The following CCDC141 variants were observed in gnomAD, a reference collection of about 807,000 sequenced individuals.
CCDC141 encodes the protein coiled-coil domain-containing protein 141.
Under a neutral mutation model 181.0 loss-of-function variants are expected in CCDC141, and 168 were observed. That is an observed-to-expected ratio of 0.93 (90% CI 0.82 to 1.05). The LOEUF is 1.05. Ranked by LOEUF, CCDC141 falls within the 50% of genes least tolerant of loss-of-function variation. The probability of loss-of-function intolerance (pLI) is 0.00; values close to 1 mark genes in which losing one functional copy is unlikely to be tolerated. For synonymous variants in CCDC141, 666 were observed against 642.3 expected (o/e 1.04, Z -0.56); for missense variants, 1,902 against 1,788.5 (o/e 1.06, Z -1.14).
the CCDC141 span, among the ~76,000 whole-genome samples, chr2:178,820,613 C>T: frequency 3.9e-5 from 6 of 152,016 alleles, no homozygotes; most frequent in South Asian, 1.2e-3. Context: ...AGTAATTTTT[C>T]CCTGAGAATG....
intron 8 of CCDC141, among the ~76,000 whole-genome samples, chr2:178,895,256 A>C (rs1266874878): frequency 6.6e-6 from 1 of 152,154 alleles, no homozygotes; most frequent in African/African-American, 2.4e-5. Context: ...TAGCACTGTG[A>C]TGAGCATCTT....
intron 22 of CCDC141, among the ~76,000 whole-genome samples, chr2:178,845,381 G>A (rs1200750395): frequency 6.6e-6 from 1 of 152,206 alleles, no homozygotes; most frequent in Non-Finnish European, 1.5e-5. Context: ...CAATGCTACT[G>A]TGAAATGTCA....
chr2:178,884,479 G>A (rs1686782137), intron 11 of CCDC141, among the ~76,000 whole-genome samples: 1 of 152,112 alleles, frequency 6.6e-6, no homozygotes, highest in Non-Finnish European at 1.5e-5. Flanking sequence ...TTTTCCCCAT[G>A]TAAAAATGTA....
At chr2:178,973,136 T>C (rs752017136) in intron 4 of CCDC141, among the ~76,000 whole-genome samples, 5 of 152,210 alleles carry the variant, frequency 3.3e-5, no homozygotes, top group Non-Finnish European at 7.3e-5. Flanking sequence ...CACCCTTTAA[T>C]ATGCATTTCA....
chr2:179,011,225 A>G (rs1396872920), intron 2 of CCDC141, among the ~76,000 whole-genome samples: 1 of 152,162 alleles, frequency 6.6e-6, no homozygotes, highest in East Asian at 1.9e-4. Context: ...TGCTGCCTTC[A>G]GGAGATTTGC....
intron 2 of CCDC141, among the ~76,000 whole-genome samples, chr2:179,038,713 C>G (rs894173017): frequency 2.0e-5 from 3 of 152,082 alleles, no homozygotes; most frequent in African/African-American, 7.2e-5. Flanking sequence ...AATAAGCATT[C>G]CCTGAATTGG....
At chr2:178,994,337 G>T (rs1692187355) in intron 2 of CCDC141, among the ~76,000 whole-genome samples, 1 of 152,222 alleles carries the variant, frequency 6.6e-6, no homozygotes, top group South Asian at 2.1e-4. Context: ...GTACCCACAG[G>T]CTTGACACCA....
the CCDC141 span, among the ~76,000 whole-genome samples, chr2:178,824,061 A>ACAC: frequency 1.4e-4 from 20 of 147,524 alleles, no homozygotes; most frequent in African/African-American, 5.0e-4. Flanking sequence ...TACAGAGAAA[A>ACAC]ACACACACAC....
chr2:178,892,434 G>T (rs1286903600), intron 8 of CCDC141, among the ~76,000 whole-genome samples: 1 of 151,856 alleles, frequency 6.6e-6, no homozygotes, highest in Non-Finnish European at 1.5e-5. Context: ...TGTCTGATTG[G>T]GCAGTAACCA....
In CCDC141 at chr2:178,833,428, C is replaced by T. The variant is rs1684342388; in HGVS notation, c.*745G>A. 1 of 152,150 alleles carries T rather than the reference C, an allele frequency of 6.6e-6. No individual in the cohort carries two copies. Among genetic ancestry groups the T allele is most frequent in the Admixed American group, 6.6e-5 (1 of 15,258 alleles). The allele number at this position is 152,150 out of a possible 1,614,324, so 9.4% of individuals were successfully genotyped here. On this transcript the variant is annotated 3_prime_UTR_variant, in exon 24 of 24. Coordinates refer to ENST00000443758, the MANE Select transcript of CCDC141 (RefSeq NM_173648.4). The stretch of plus-strand genomic sequence containing the variant: ...GCAGAATCAAGATTAGAAGCAGAAA[C>T]ACCTGGTTACACATTGCTGCTCAAA...
chr2:178,830,492 G>C lies in CCDC141; in HGVS notation c.*3681C>G, dbSNP rs567609421. 7.9e-5 allele frequency: 12 copies of C among 152,220 alleles called. No homozygotes were observed. Among genetic ancestry groups the C allele is most frequent in the Middle Eastern group, 3.4e-3 (1 of 294 alleles). 9.4% of individuals were successfully genotyped at this position (152,220 alleles called of 1,614,324 possible). On this transcript the variant is annotated 3_prime_UTR_variant, in exon 24 of 24. Coordinates refer to ENST00000443758, the MANE Select transcript of CCDC141 (RefSeq NM_173648.4). Reference sequence around the variant, plus strand: ...TTTCCCCTCTCCTCCCTCTAAAAAGGGGAGAAAAACAAGCTAGGTTTATCT... The same window carrying C: ...TTTCCCCTCTCCTCCCTCTAAAAAGCGGAGAAAAACAAGCTAGGTTTATCT...
intron 5 of CCDC141, among the ~76,000 whole-genome samples, chr2:178,950,434 T>A (rs1020764328): frequency 6.6e-6 from 1 of 152,206 alleles, no homozygotes; most frequent in African/African-American, 2.4e-5. Context: ...TGACCAGATT[T>A]GAAATATCCA....
rs555497062 is a variant in CCDC141, at chr2:178,951,488, A to C, written c.781-6837T>G. On this transcript the variant is annotated intron_variant, in intron 5 of 23. Coordinates refer to ENST00000443758, the MANE Select transcript of CCDC141 (RefSeq NM_173648.4). ...ATATCGACAAAATAAATAACTGGTA[A>C]ATTTTAAAAGATGTCTTAATCTTTT... is the stretch of plus-strand genomic sequence containing the variant. Among the ~76,000 whole-genome samples, 4 of 152,358 alleles carry C rather than the reference A, an allele frequency of 2.6e-5. No individual in the cohort carries two copies. The East Asian group carries it at 5.8e-4, about 22-fold the overall frequency.
chr2:178,845,112 G>T (rs1479582888), intron 22 of CCDC141, among the ~76,000 whole-genome samples: 1 of 152,094 alleles, frequency 6.6e-6, no homozygotes, highest in Non-Finnish European at 1.5e-5. Flanking sequence ...TTATATTTCA[G>T]CTGGATTCTA....
intron 8 of CCDC141, among the ~76,000 whole-genome samples, chr2:178,902,638 A>T (rs1344394708): frequency 1.3e-5 from 2 of 152,100 alleles, no homozygotes; most frequent in African/African-American, 4.8e-5. Flanking sequence ...CGTTACACCT[A>T]AAACCATAAA....
At chr2:178,887,841 G>A (rs1008034895) in intron 9 of CCDC141, among the ~76,000 whole-genome samples, 2 of 152,140 alleles carry the variant, frequency 1.3e-5, no homozygotes, top group Admixed American at 6.5e-5. Context: ...AGCCTCTGCA[G>A]CAAGATTCAT....
chr2:179,015,120 T>TATATATATATTATATATATAAAC lies in CCDC141; in HGVS notation c.225+32163_225+32164insGTTTATATATATAATATATATAT, dbSNP rs1559048889. 2.3e-3 allele frequency among the ~76,000 whole-genome samples: 142 copies of TATATATATATTATATATATAAAC among 62,042 alleles called. 8 individuals are homozygous for TATATATATATTATATATATAAAC. The highest frequency in any genetic ancestry group is 3.2e-3 in the Non-Finnish European group (106 of 33,374). The allele number at this position is 62,042 out of a possible 152,430, so 40.7% of individuals were successfully genotyped here. On this transcript the variant is annotated intron_variant, in intron 2 of 23. Coordinates refer to ENST00000443758, the MANE Select transcript of CCDC141 (RefSeq NM_173648.4). Reference sequence around the variant, plus strand: ...TATATATATAATATATATATAATCATATATATATATCATATCATATATATC... The same window carrying TATATATATATTATATATATAAAC: ...TATATATATAATATATATATAATCATATATATATATTATATATATAAACATATATATATCATATCATATATATC...
intron 2 of CCDC141, chr2:179,002,717 A>G (rs1346281969): frequency 6.2e-6 from 1 of 162,338 alleles, no homozygotes; most frequent in African/African-American, 2.4e-5. Flanking sequence ...CAGATTTTCA[A>G]GAAAAGCAGC....
chr2:178,933,963 G>T (rs1282837275), intron 6 of CCDC141, among the ~76,000 whole-genome samples: 2 of 152,140 alleles, frequency 1.3e-5, no homozygotes, highest in Non-Finnish European at 1.5e-5. Context: ...AAATCTTCTA[G>T]TTTTTTTAAA....
Sources: allele counts gnomAD v4.1 joint callset (sites outside exome capture counted in the v4.1 genomes callset), GRCh38; gene constraint gnomAD v4.1.1; transcripts MANE v1.5; gene names NCBI Gene and HGNC (gene_info 2026-07-23, HGNC 2026-07-21).